TTLL11: variants seen among roughly 807,000 people sequenced by gnomAD.
TTLL11 encodes the protein tubulin polyglutamylase TTLL11.
In TTLL11, 42 loss-of-function variants were observed where a neutral mutation model predicts 51.7. That is an observed-to-expected ratio of 0.81 (90% CI 0.64 to 1.05). TTLL11 has a LOEUF of 1.05. TTLL11 is among the 50% of genes least tolerant of loss of function. TTLL11 has a pLI of 0.00. For missense variants in TTLL11, 799 were observed against 940.4 expected (o/e 0.85, Z 1.97); for synonymous variants, 381 against 383.5 (o/e 0.99, Z 0.08).
rs1351768182 is a variant in TTLL11, at chr9:121,890,364, G to A, written c.1482-19616C>T. Among the ~76,000 whole-genome samples the A allele has an allele frequency of 1.3e-5, 2 of 152,144 alleles. No homozygotes were observed. The highest frequency in any genetic ancestry group is 3.9e-4 in the East Asian group (2 of 5,186). ...ATCATGGGTCACCTGAACTTCAACA[G>A]CCTCTTCACCAGTTTCCTGGCTCGC... On this transcript the variant is annotated intron_variant, in intron 6 of 8. Transcript: ENST00000321582. This position sits in a 1 kb window ranked among gnomAD's most constrained non-coding sequence, Gnocchi z 4.3.
chr9:121,957,995 CAGAT>C (rs377538855), intron 6 of TTLL11, among the ~76,000 whole-genome samples: 46 of 152,332 alleles, frequency 3.0e-4, no homozygotes, highest in African/African-American at 1.0e-3. Flanking sequence ...AAAATTAAGT[CAGAT>C]AGCGTATGTC....
intron 6 of TTLL11, among the ~76,000 whole-genome samples, chr9:121,959,082 T>A (rs557138962): frequency 6.6e-6 from 1 of 152,266 alleles, no homozygotes; most frequent in South Asian, 2.1e-4. Flanking sequence ...AAGGGCACCT[T>A]GAAGACAGGA....
At chr9:122,076,006 C>A (rs1460165338) in intron 1 of TTLL11, among the ~76,000 whole-genome samples, 1 of 152,182 alleles carries the variant, frequency 6.6e-6, no homozygotes, top group Non-Finnish European at 1.5e-5. Context: ...CTGTGAATGC[C>A]TTCTCTGTGC....
intron 6 of TTLL11, among the ~76,000 whole-genome samples, chr9:121,959,899 T>C (rs1041316258): frequency 6.6e-6 from 1 of 151,996 alleles, no homozygotes; most frequent in African/African-American, 2.4e-5. Flanking sequence ...TGGACTTCTT[T>C]ATTTTTTTCT....
intron 6 of TTLL11, among the ~76,000 whole-genome samples, chr9:121,917,610 AGGGAGGGAAG>A (rs376964903): frequency 2.1e-3 from 265 of 123,414 alleles, no homozygotes; most frequent in African/African-American, 7.4e-3. Flanking sequence ...GAAGGAAGGG[AGGGAGGGAAG>A]GGGAGGGAAG....
At chr9:122,030,213 G>GGC (rs1554785419) in intron 3 of TTLL11, among the ~76,000 whole-genome samples, 1 of 135,752 alleles carries the variant, frequency 7.4e-6, no homozygotes, top group Non-Finnish European at 1.6e-5. Flanking sequence ...GGGGGGGGGG[G>GGC]GGTAATTATG....
chr9:122,074,576 A>T (rs1845810961), intron 1 of TTLL11, among the ~76,000 whole-genome samples: 1 of 152,108 alleles, frequency 6.6e-6, no homozygotes, highest in African/African-American at 2.4e-5. Context: ...ATAAGCCAGT[A>T]TGTATTGTTC....
At chr9:122,077,938 T>C (rs1845902322) in intron 1 of TTLL11, among the ~76,000 whole-genome samples, 1 of 150,496 alleles carries the variant, frequency 6.6e-6, no homozygotes, top group Non-Finnish European at 1.5e-5. Flanking sequence ...TAAGTAGAAA[T>C]AACCTTATTT....
intron 1 of TTLL11, among the ~76,000 whole-genome samples, chr9:122,059,230 A>G (rs1845376571): frequency 6.6e-6 from 1 of 152,168 alleles, no homozygotes; most frequent in Non-Finnish European, 1.5e-5. Context: ...ACAAACATTA[A>G]TCGAATGCCT....
chr9:122,023,119 A>C (rs2131785322), intron 3 of TTLL11, among the ~76,000 whole-genome samples: 1 of 152,160 alleles, frequency 6.6e-6, no homozygotes, highest in East Asian at 1.9e-4. Context: ...TGTTAGGACT[A>C]AGAGGTATCA....
At chr9:122,049,141 T>C (rs964065683) in intron 1 of TTLL11, among the ~76,000 whole-genome samples, 13 of 152,194 alleles carry the variant, frequency 8.5e-5, no homozygotes, top group African/African-American at 2.4e-4. Context: ...CATGAATGAA[T>C]GAACTCACAA....
intron 6 of TTLL11, among the ~76,000 whole-genome samples, chr9:121,877,713 A>G (rs2131410248): frequency 6.6e-6 from 1 of 152,328 alleles, no homozygotes; most frequent in Middle Eastern, 3.4e-3. Flanking sequence ...AAAAAATTTA[A>G]TCTTGATAAA....
intron 8 of TTLL11, among the ~76,000 whole-genome samples, chr9:121,826,557 G>GTGTGTGTGTATATATATATATA (rs1189626793): frequency 1.9e-5 from 1 of 51,346 alleles, no homozygotes; most frequent in African/African-American, 7.1e-5. Context: ...ATATGTGTGT[G>GTGTGTGTGTATATATATATATA]TATATATATA....
Position 121,995,733 on chromosome 9 carries a change from C to T in TTLL11, c.694-5963G>A, listed in dbSNP as rs1289878887. Reference sequence around the variant, plus strand: ...ATCCCGCAAGCCCTCTACTGTTCATCGGAACCAGGCCAGGTTGTCCGATAT... The same window carrying T: ...ATCCCGCAAGCCCTCTACTGTTCATTGGAACCAGGCCAGGTTGTCCGATAT... On this transcript the variant is annotated intron_variant, in intron 3 of 8. Transcript: ENST00000321582. This position sits in a 1 kb window ranked among gnomAD's most constrained non-coding sequence, Gnocchi z 4.4. 2.6e-5 allele frequency among the ~76,000 whole-genome samples: 4 copies of T among 152,118 alleles called. No homozygotes were observed. Among genetic ancestry groups the T allele is most frequent in the Admixed American group, 2.0e-4 (3 of 15,278 alleles).
rs529950910 is a variant in TTLL11 at position 121,934,169 on chromosome 9, GT to G, written c.1481+39839del. ...AATTGCTTGAACCCGGGAGGTGGAG[GT>G]TATGGTGAGCCGAGATTGCACCATT... On this transcript the variant is annotated intron_variant, in intron 6 of 8. Coordinates refer to ENST00000321582, the MANE Select transcript of TTLL11 (RefSeq NM_001139442.2). Among the ~76,000 whole-genome samples the G allele has an allele frequency of 1.6e-3, 251 of 152,148 alleles. 1 individual carries two copies. The highest frequency in any genetic ancestry group is 5.5e-3 in the African/African-American group (228 of 41,502).
At chr9:121,916,350 A>G (rs912625308) in intron 6 of TTLL11, among the ~76,000 whole-genome samples, 3 of 152,242 alleles carry the variant, frequency 2.0e-5, no homozygotes, top group African/African-American at 4.8e-5. Flanking sequence ...AAGAAGGGTT[A>G]GAAGGATTGA....
intron 3 of TTLL11, among the ~76,000 whole-genome samples, chr9:122,025,858 T>C (rs951873941): frequency 1.2e-4 from 18 of 152,156 alleles, no homozygotes; most frequent in African/African-American, 4.3e-4. Flanking sequence ...CATGGTGTAT[T>C]TGTAACAGCC....
chr9:121,843,966 C>T (rs1837437138), intron 8 of TTLL11, among the ~76,000 whole-genome samples: 1 of 152,188 alleles, frequency 6.6e-6, no homozygotes, highest in Non-Finnish European at 1.5e-5. Context: ...TAAGCCATCA[C>T]ACCCAGCCAG....
At chr9:121,977,232 T>A (rs1470614652) in intron 4 of TTLL11, among the ~76,000 whole-genome samples, 1 of 152,194 alleles carries the variant, frequency 6.6e-6, no homozygotes, top group East Asian at 1.9e-4. Context: ...TGTATAGGAA[T>A]GCTTTGGAGT....
Sources: allele counts gnomAD v4.1 joint callset (sites outside exome capture counted in the v4.1 genomes callset), GRCh38; gene constraint gnomAD v4.1.1; non-coding constraint Gnocchi (gnomAD v3.1); transcripts MANE v1.5; gene names NCBI Gene and HGNC (gene_info 2026-07-23, HGNC 2026-07-21).